Variants in MAD2L1BP observed in about 807,000 individuals in gnomAD.
The protein encoded by MAD2L1BP is MAD2L1-binding protein.
MAD2L1BP carries 22 observed loss-of-function variants against 28.4 expected under a neutral mutation model. That is an observed-to-expected ratio of 0.77 (90% CI 0.55 to 1.10). MAD2L1BP has a LOEUF of 1.10. Among genes scored for constraint, MAD2L1BP ranks in the 50% least tolerant of loss-of-function variants. The probability of loss-of-function intolerance (pLI) is 0.00; values close to 1 mark genes in which losing one functional copy is unlikely to be tolerated. For missense variants in MAD2L1BP, 325 were observed against 350.5 expected (o/e 0.93, Z 0.58); for synonymous variants, 146 against 133.7 (o/e 1.09, Z -0.63).
chr6:43,635,628 T>C (rs1028525411), upstream of MAD2L1BP, among the ~76,000 whole-genome samples: 1 of 152,232 alleles, frequency 6.6e-6, no homozygotes, highest in Non-Finnish European at 1.5e-5. Context: ...TGGTGTCTTT[T>C]AGAAAGCAGC....
At chr6:43,637,517 C>G (rs1199742384) in intron 2 of MAD2L1BP, among the ~76,000 whole-genome samples, 1 of 151,768 alleles carries the variant, frequency 6.6e-6, no homozygotes, top group Non-Finnish European at 1.5e-5. Flanking sequence ...CCCCAATCTC[C>G]CAGGTTCAAG....
rs1302528276 is a variant in MAD2L1BP, at chr6:43,629,759, G to A, written c.10G>A (p.Val4Met). 3.2e-6 allele frequency: 5 copies of A among 1,558,444 alleles called. No individual in the cohort carries two copies. In the South Asian group the frequency reaches 3.5e-5, roughly 11 times the overall value. The change falls in exon 1 of 4, where the codon GTG becomes ATG. Residue 4 changes from valine to methionine, a missense_variant. Coordinates refer to the MAD2L1BP transcript ENST00000451025. ...CTCAGTTTCTTCCCCTATGGCCCGC[G>A]TGCCGCTGGGGTGAGTCAGGGCGAA...
At chr6:43,636,338 A>C (rs1371349016) in intron 1 of MAD2L1BP, 43 bp from the exon 2 acceptor site, 34 of 1,604,840 alleles carry the variant, frequency 2.1e-5, no homozygotes, top group Non-Finnish European at 2.6e-5. Flanking sequence ...ACTGGCTTTT[A>C]GGTTTTTAAT....
chr6:43,636,196 C>T (rs1339324065), intron 1 of MAD2L1BP, among the ~76,000 whole-genome samples, 185 bp from the exon 2 acceptor site: 3 of 152,130 alleles, frequency 2.0e-5, no homozygotes, highest in African/African-American at 7.2e-5. Context: ...ATTAAATCTC[C>T]TCAGGCAACA....
upstream of MAD2L1BP, chr6:43,635,827 C>A: frequency 6.9e-7 from 1 of 1,439,584 alleles, no homozygotes; most frequent in Non-Finnish European, 9.1e-7. Context: ...CCATGATGCC[C>A]CGCGAGACCT....
upstream of MAD2L1BP, among the ~76,000 whole-genome samples, chr6:43,635,646 G>A (rs1486467345): frequency 6.6e-6 from 1 of 152,238 alleles, no homozygotes; most frequent in Non-Finnish European, 1.5e-5. Flanking sequence ...AGCGCTCAGT[G>A]GCTGAGAACT....
At chr6:43,634,492 G>A (rs1212384549), upstream of MAD2L1BP, among the ~76,000 whole-genome samples, 1 of 151,950 alleles carries the variant, frequency 6.6e-6, no homozygotes, top group Non-Finnish European at 1.5e-5. Context: ...TCATTGAATG[G>A]TACAATTTCC....
rs200124533 is a variant in MAD2L1BP at position 43,640,202 on chromosome 6, A to G, written c.494A>G (p.Tyr165Cys). Residue 165 changes from tyrosine (Y) to cysteine (C), a missense_variant, in exon 3 of 3, where the codon TAT (tyrosine) becomes TGT (cysteine). Transcript: ENST00000372171. ...AATGCCCTAAGCCCCAAGGAGTTCTATGAACTCGACTTGTCTCTGCTGGCC... is the reference window on the plus strand; with the variant it reads ...AATGCCCTAAGCCCCAAGGAGTTCTGTGAACTCGACTTGTCTCTGCTGGCC... ...GGNALSPKEF[Y>C]ELDLSLLAPY... is the part of the protein sequence containing the mutation. 21 of 1,613,950 alleles carry G rather than the reference A, an allele frequency of 1.3e-5. No homozygotes were observed. Among genetic ancestry groups the G allele is most frequent in the Admixed American group, 3.3e-5 (2 of 60,000 alleles).
At chr6:43,636,237 A>G in intron 1 of MAD2L1BP, 144 bp from the exon 2 acceptor site, 1 of 759,826 alleles carries the variant, frequency 1.3e-6, no homozygotes, top group South Asian at 1.8e-5. Flanking sequence ...GCCACGGCCC[A>G]TACTGTAGGC....
chr6:43,640,323 T>C lies in MAD2L1BP; in HGVS notation c.615T>C (p.Ala205=). 2.5e-6 allele frequency: 4 copies of C among 1,613,582 alleles called. No individual in the cohort carries two copies. The highest frequency in any genetic ancestry group is 3.4e-6 in the Non-Finnish European group (4 of 1,179,754). The part of the protein sequence containing the change: ...FMADAFSELQ[A]PPLMGTVVMA... ...CTGATGCCTTTAGCGAGCTTCAGGCTCCTCCACTCATGGGCACCGTCGTCA... is the reference window on the plus strand; with the variant it reads ...CTGATGCCTTTAGCGAGCTTCAGGCCCCTCCACTCATGGGCACCGTCGTCA... Residue 205 remains alanine, a synonymous_variant, in exon 3 of 3, where the codon GCT becomes GCC. Coordinates refer to ENST00000372171, the MANE Select transcript of MAD2L1BP (RefSeq NM_014628.3).
intron 1 of MAD2L1BP, 75 bp downstream of exon 1, chr6:43,635,996 T>A: frequency 7.1e-7 from 1 of 1,409,134 alleles, no homozygotes; most frequent in Non-Finnish European, 9.7e-7. Context: ...TCCATTCGTT[T>A]ATCCGCTGGT....
chr6:43,635,918 C>G lies in MAD2L1BP; in HGVS notation c.43C>G (p.Pro15Ala), dbSNP rs1433729912. Residue 15 changes from proline (P) to alanine (A), a missense_variant, in exon 1 of 3, where the codon CCT (proline) becomes GCT (alanine). Coordinates refer to ENST00000372171, the MANE Select transcript of MAD2L1BP (RefSeq NM_014628.3). The part of the protein sequence containing the change: ...EAEVLSSAAV[P>A]DLEWYEKSEE... ...GGAGGTTCTGTCCTCAGCCGCAGTC[C>G]CTGGTAAGGCGTGGGGCCAAGAGTT... 3 of 1,505,720 alleles carry G rather than the reference C, an allele frequency of 2.0e-6. No individual in the cohort carries two copies. Among genetic ancestry groups the G allele is most frequent in the Non-Finnish European group, 2.6e-6 (3 of 1,132,890 alleles). The allele number at this position is 1,505,720 out of a possible 1,614,324, so 93.3% of individuals were successfully genotyped here.
At chr6:43,637,357 G>T (rs1367829624) in intron 2 of MAD2L1BP, among the ~76,000 whole-genome samples, 1 of 151,548 alleles carries the variant, frequency 6.6e-6, no homozygotes, top group African/African-American at 2.4e-5. Context: ...GTGAACTACC[G>T]CGCCTGGCCT....
At chr6:43,638,795 C>G (rs75598208) in intron 2 of MAD2L1BP, among the ~76,000 whole-genome samples, 1 of 127,220 alleles carries the variant, frequency 7.9e-6, no homozygotes, top group Non-Finnish European at 1.7e-5. Flanking sequence ...AACTCTGTCT[C>G]AAAAAAAAAA....
At chr6:43,634,022 C>T (rs1406397011), upstream of MAD2L1BP, among the ~76,000 whole-genome samples, 2 of 152,172 alleles carry the variant, frequency 1.3e-5, no homozygotes, top group African/African-American at 2.4e-5. Context: ...TATTCACTAA[C>T]ATGCTGATGG....
At chr6:43,634,455 C>T (rs1051780241), upstream of MAD2L1BP, among the ~76,000 whole-genome samples, 2 of 152,142 alleles carry the variant, frequency 1.3e-5, no homozygotes, top group African/African-American at 4.8e-5. Context: ...TATTGAACTC[C>T]TGGCCTCGGC....
In MAD2L1BP at chr6:43,640,616, T is replaced by TA; in HGVS notation, c.*84dup. ...CTGAATCACCCATCTGGTTTGGAGCTAGAGTTGCTTCCTGGTGAGAGAGGA... is the reference window on the plus strand; with the variant it reads ...CTGAATCACCCATCTGGTTTGGAGCTAAGAGTTGCTTCCTGGTGAGAGAGGA... On this transcript the variant is annotated 3_prime_UTR_variant, in exon 3 of 3. Coordinates refer to ENST00000372171, the MANE Select transcript of MAD2L1BP (RefSeq NM_014628.3). The TA allele has an allele frequency of 7.0e-7, 1 of 1,438,418 alleles. No homozygotes were observed. Among genetic ancestry groups the TA allele is most frequent in the South Asian group, 1.4e-5 (1 of 70,934 alleles). 89.1% of individuals were successfully genotyped at this position (1,438,418 alleles called of 1,614,324 possible).
chr6:43,633,100 G>C (rs142226267), upstream of MAD2L1BP: 1 of 382,936 alleles, frequency 2.6e-6, no homozygotes, highest in African/African-American at 2.2e-5. Context: ...CTCCCACCTC[G>C]GCCTCCCAAA....
chr6:43,639,563 C>T (rs1770453868), intron 2 of MAD2L1BP, among the ~76,000 whole-genome samples: 1 of 152,034 alleles, frequency 6.6e-6, no homozygotes, highest in Non-Finnish European at 1.5e-5. Context: ...TCATTTGTTT[C>T]TTAATTTCTT....
Sources: gnomAD v4.1 joint callset for allele counts (sites outside exome capture counted in the v4.1 genomes callset) on GRCh38, gnomAD v4.1.1 for gene constraint, MANE v1.5 for transcripts, NCBI Gene and HGNC (gene_info 2026-07-23, HGNC 2026-07-21) for gene names.